The following JAKMIP1 variants were observed in gnomAD, a reference collection of about 807,000 sequenced individuals.
The protein encoded by JAKMIP1 is janus kinase and microtubule interacting protein 1.
Under a neutral mutation model 113.0 loss-of-function variants are expected in JAKMIP1, and 33 were observed. That is an observed-to-expected ratio of 0.29 (90% CI 0.22 to 0.39). The LOEUF is 0.39. JAKMIP1 is among the 10% of genes least tolerant of loss of function. The pLI, the probability that JAKMIP1 is intolerant of heterozygous loss-of-function variation, is 1.00. For synonymous variants in JAKMIP1, 480 were observed against 459.9 expected (o/e 1.04, Z -0.56); for missense variants, 813 against 1,080.5 (o/e 0.75, Z 3.47).
At chr4:6,104,674 G>T (rs974262402) in intron 3 of JAKMIP1, among the ~76,000 whole-genome samples, 1 of 152,198 alleles carries the variant, frequency 6.6e-6, no homozygotes. Flanking sequence ...TGTGACAAAC[G>T]CCCTGAGGGG....
chr4:6,103,677 T>C (rs946401518), intron 3 of JAKMIP1, among the ~76,000 whole-genome samples: 3 of 152,216 alleles, frequency 2.0e-5, no homozygotes, highest in Non-Finnish European at 4.4e-5. Context: ...TTAATTTATT[T>C]AGGAGCTTTA....
In JAKMIP1 at chr4:6,105,781, T is replaced by G; in HGVS notation, c.316A>C (p.Lys106Gln). The change falls in exon 3 of 21, where the codon AAG becomes CAG. Residue 106 changes from lysine to glutamine, a missense_variant. This residue lies in a region of JAKMIP1 where 540 missense variants were observed against 653.9 expected (regional missense o/e 0.83). Coordinates refer to ENST00000409021, the MANE Select transcript of JAKMIP1 (RefSeq NM_001099433.2). The part of the protein sequence containing the change: ...EQEAARTAKI[K>Q]EGELQRLQAT... The stretch of plus-strand genomic sequence containing the variant: ...TGCAGCCGCTGCAGCTCGCCCTCCT[T>G]GATCTTGGCGGTGCGCGCCGCCTCC... 1 of 1,606,986 alleles carries G rather than the reference T, an allele frequency of 6.2e-7. No individual in the cohort carries two copies. The highest frequency in any genetic ancestry group is 8.5e-7 in the Non-Finnish European group (1 of 1,179,252).
chr4:6,101,732 C>A (rs1045766220), intron 3 of JAKMIP1, among the ~76,000 whole-genome samples: 24 of 96,584 alleles, frequency 2.5e-4, no homozygotes, highest in African/African-American at 5.7e-4. Flanking sequence ...ACTAAAAATA[C>A]AAAAAAAAAA....
Position 6,116,069 on chromosome 4 carries a change from G to C in JAKMIP1, c.-147-3072C>G, listed in dbSNP as rs772799345. Among the ~76,000 whole-genome samples, 7 of 152,138 alleles carry C rather than the reference G, an allele frequency of 4.6e-5. No homozygotes were observed. The highest frequency in any genetic ancestry group is 8.8e-5 in the Non-Finnish European group (6 of 68,026). On this transcript the variant is annotated intron_variant, in intron 1 of 20. Transcript: ENST00000409021. This position sits in a 1 kb window ranked among gnomAD's most constrained non-coding sequence, Gnocchi z 5.1. ...AACACCCCATGCCAGACACTGCCAG[G>C]CTGGGCCACAGTGAGTGTGGAGACG...
chr4:6,195,257 G>A (rs1026483132), intron 1 of JAKMIP1, among the ~76,000 whole-genome samples: 8 of 152,216 alleles, frequency 5.3e-5, no homozygotes, highest in Non-Finnish European at 8.8e-5. Flanking sequence ...ACTCCCACAA[G>A]ACAGCACATG....
chr4:6,085,718 G>T (rs1286089283), intron 3 of JAKMIP1, 89 bp from the exon 4 acceptor site: 9 of 1,223,796 alleles, frequency 7.4e-6, no homozygotes, highest in Admixed American at 1.8e-5. Context: ...CCCAGGGAAA[G>T]GTCAAAGCAG....
chr4:6,195,939 G>A (rs766188322), intron 1 of JAKMIP1, among the ~76,000 whole-genome samples: 1 of 152,198 alleles, frequency 6.6e-6, no homozygotes, highest in Non-Finnish European at 1.5e-5. Flanking sequence ...AAAAGCCCCT[G>A]GCATAGATCC....
At chr4:6,091,837 G>T (rs1722102500) in intron 3 of JAKMIP1, among the ~76,000 whole-genome samples, 2 of 152,170 alleles carry the variant, frequency 1.3e-5, no homozygotes, top group Non-Finnish European at 2.9e-5. Flanking sequence ...CACCAACTGT[G>T]GGACCCAGGC....
chr4:6,058,645 A>T (rs6821462), intron 11 of JAKMIP1, among the ~76,000 whole-genome samples: 1 of 152,120 alleles, frequency 6.6e-6, no homozygotes, highest in South Asian at 2.1e-4. Context: ...GCAGTAAGGA[A>T]CCAATGCATA....
At chr4:6,036,634 G>C (rs577667309) in intron 18 of JAKMIP1, among the ~76,000 whole-genome samples, 4 of 152,186 alleles carry the variant, frequency 2.6e-5, no homozygotes, top group Non-Finnish European at 5.9e-5. Flanking sequence ...CACCCTTTTT[G>C]GCAAAGCTGA....
At chr4:6,107,445 T>A (rs2108879265) in intron 2 of JAKMIP1, among the ~76,000 whole-genome samples, 2 of 152,320 alleles carry the variant, frequency 1.3e-5, no homozygotes, top group South Asian at 4.2e-4. Context: ...CAAACACCAG[T>A]CCAGATGTGG....
rs1169358306 is a variant in JAKMIP1, at chr4:6,064,263, G to T, written c.1431+617C>A. 6.6e-6 allele frequency among the ~76,000 whole-genome samples: 1 copy of T among 152,244 alleles called. No homozygotes were observed. Among genetic ancestry groups the T allele is most frequent in the Non-Finnish European group, 1.5e-5 (1 of 68,046 alleles). ...TGAGATGTAATCAGCACTCCTGAAA[G>T]AATTCACCTGGGGAAGGTGAGTGAG... On this transcript the variant is annotated intron_variant, in intron 9 of 20. Transcript: ENST00000409021. This position sits in a 1 kb window ranked among gnomAD's most constrained non-coding sequence, Gnocchi z 4.3.
intron 19 of JAKMIP1, among the ~76,000 whole-genome samples, chr4:6,035,403 C>A (rs1423926483): frequency 6.6e-6 from 1 of 152,142 alleles, no homozygotes; most frequent in Non-Finnish European, 1.5e-5. Context: ...TCTTTCCCTT[C>A]CTCGTCAATC....
rs1237042538 is a variant in JAKMIP1, at chr4:6,179,976, T to A, written c.-148+20277A>T. On this transcript the variant is annotated intron_variant, in intron 1 of 20. Coordinates refer to ENST00000409021, the MANE Select transcript of JAKMIP1 (RefSeq NM_001099433.2). This position sits in a 1 kb window ranked among gnomAD's most constrained non-coding sequence, Gnocchi z 4.5. Reference sequence around the variant, plus strand: ...AGAACTGTGTCTGTTTTGTTTTCTATCCCTAGGACCAGCAGCATGCCTGAC... The same window carrying A: ...AGAACTGTGTCTGTTTTGTTTTCTAACCCTAGGACCAGCAGCATGCCTGAC... Among the ~76,000 whole-genome samples the A allele has an allele frequency of 6.6e-6, 1 of 152,136 alleles. No homozygotes were observed. The highest frequency in any genetic ancestry group is 1.9e-4 in the East Asian group (1 of 5,194).
In JAKMIP1 at chr4:6,080,807, C is replaced by T. The variant is rs1407820567; in HGVS notation, c.1102-495G>A. 6.6e-6 allele frequency among the ~76,000 whole-genome samples: 1 copy of T among 152,098 alleles called. No individual in the cohort carries two copies. The stretch of plus-strand genomic sequence containing the variant: ...ATGGACTAATACGTGGCCACCTTGT[C>T]CTGTGCTGGAAGAGGGGACAGGGCA... On this transcript the variant is annotated intron_variant, in intron 6 of 20. Transcript: ENST00000409021. This position sits in a 1 kb window ranked among gnomAD's most constrained non-coding sequence, Gnocchi z 6.0.
intron 17 of JAKMIP1, among the ~76,000 whole-genome samples, chr4:6,041,841 C>T (rs1183038181): frequency 6.6e-6 from 1 of 152,230 alleles, no homozygotes. Context: ...TTCACGTGAG[C>T]TCATGAACGC....
intron 1 of JAKMIP1, among the ~76,000 whole-genome samples, chr4:6,128,683 C>T (rs1224955288): frequency 6.6e-6 from 1 of 152,188 alleles, no homozygotes; most frequent in Non-Finnish European, 1.5e-5. Context: ...GTGCACTGCC[C>T]AAGTCCCATG....
chr4:6,072,696 G>A (rs1719138300), intron 8 of JAKMIP1, among the ~76,000 whole-genome samples: 2 of 152,216 alleles, frequency 1.3e-5, no homozygotes, highest in South Asian at 4.1e-4. Context: ...GCCCTCATGA[G>A]CTCACAGACT....
Position 6,044,869 on chromosome 4 carries a change from G to A in JAKMIP1, c.2029-2642C>T, listed in dbSNP as rs1714785481. ...CAAAGAGTTTGGCCAGATAGCTGTG[G>A]AGGCTCAGTCACTCCTGGGAGAAAC... On this transcript the variant is annotated intron_variant, in intron 16 of 20. Transcript: ENST00000409021. This position sits in a 1 kb window ranked among gnomAD's most constrained non-coding sequence, Gnocchi z 4.4. Among the ~76,000 whole-genome samples the A allele has an allele frequency of 6.6e-6, 1 of 152,252 alleles. No individual in the cohort carries two copies.
Sources: allele counts gnomAD v4.1 joint callset (sites outside exome capture counted in the v4.1 genomes callset), GRCh38; gene constraint gnomAD v4.1.1; regional missense constraint gnomAD v4.1.1; non-coding constraint Gnocchi (gnomAD v3.1); transcripts MANE v1.5; gene names NCBI Gene and HGNC (gene_info 2026-07-23, HGNC 2026-07-21).